The following ADGRG1 variants were observed in gnomAD, a reference collection of about 807,000 sequenced individuals.
ADGRG1 encodes 7-transmembrane protein with no EGF-like N-terminal domains-1.
Under a neutral mutation model 73.5 loss-of-function variants are expected in ADGRG1, and 53 were observed. That is an observed-to-expected ratio of 0.72 (90% CI 0.58 to 0.91). ADGRG1 has a LOEUF of 0.91. ADGRG1 is among the 40% of genes least tolerant of loss of function. The pLI, the probability that ADGRG1 is intolerant of heterozygous loss-of-function variation, is 0.00. For missense variants in ADGRG1, 795 were observed against 871.8 expected, an observed-to-expected ratio of 0.91 and a Z score of 1.11; for synonymous variants, 394 against 374.4, an observed-to-expected ratio of 1.05 and a Z score of -0.60.
upstream of ADGRG1, chr16:57,624,197 C>T: frequency 3.1e-6 from 3 of 982,238 alleles, no homozygotes; most frequent in Non-Finnish European, 3.6e-6. Flanking sequence ...CTGCTCTTGT[C>T]TAAAAAATAC....
intron 1 of ADGRG1, among the ~76,000 whole-genome samples, chr16:57,639,035 A>G (rs1490377737): frequency 6.6e-6 from 1 of 151,390 alleles, no homozygotes; most frequent in East Asian, 1.9e-4. Context: ...ACGCCACTGC[A>G]CTCCAGCCTG....
chr16:57,630,306 C>T (rs902760509), intron 1 of ADGRG1: 6 of 926,306 alleles, frequency 6.5e-6, no homozygotes, highest in Non-Finnish European at 6.4e-6. Context: ...AGGCAGGGGT[C>T]CTGTTGGGCT....
chr16:57,622,662 G>A (rs2035081985), intron 2 of ADGRG1: 1 of 536,962 alleles, frequency 1.9e-6, no homozygotes, highest in Non-Finnish European at 2.4e-6. Context: ...GAAGGCTGGG[G>A]GCAGGGGTAT....
chr16:57,653,047 G>C, intron 3 of ADGRG1, 156 bp from the exon 4 acceptor site: 1 of 1,520,472 alleles, frequency 6.6e-7, no homozygotes, highest in Non-Finnish European at 8.8e-7. Flanking sequence ...GAGTGGCCTT[G>C]GCAGAGTCCA....
chr16:57,652,603 G>C (rs2044374438), intron 3 of ADGRG1: 4 of 984,408 alleles, frequency 4.1e-6, no homozygotes, highest in Non-Finnish European at 4.8e-6. Context: ...AAAAAACATG[G>C]ACCAGGGATT....
chr16:57,641,103 C>T (rs541193149), intron 1 of ADGRG1: 13 of 955,838 alleles, frequency 1.4e-5, no homozygotes, highest in South Asian at 4.8e-5. Context: ...CTGAAGCCTG[C>T]GGGAGCCTGG....
intron 1 of ADGRG1, among the ~76,000 whole-genome samples, chr16:57,632,582 G>A (rs536678414): frequency 7.7e-4 from 118 of 152,280 alleles, no homozygotes; most frequent in African/African-American, 1.7e-3. Flanking sequence ...CCCTGCCCCC[G>A]CTACTGCTGG....
chr16:57,629,622 T>G (rs967105068), intron 1 of ADGRG1: 1 of 152,042 alleles, frequency 6.6e-6, no homozygotes, highest in Admixed American at 6.6e-5. Flanking sequence ...AAGGCCAGCT[T>G]TGGGAGAAGG....
At chr16:57,662,959 C>T (rs914947672) in intron 13 of ADGRG1, 226 of 985,152 alleles carry the variant, frequency 2.3e-4, no homozygotes, top group Non-Finnish European at 2.6e-4. Flanking sequence ...TACCACATTT[C>T]GGTTATTTAA....
At chr16:57,663,339 G>A in intron 13 of ADGRG1, 113 bp from the exon 14 acceptor site, 1 of 1,550,120 alleles carries the variant, frequency 6.5e-7, no homozygotes. Flanking sequence ...GCACGTGCTT[G>A]GCAAACACTA....
rs1186187571 is a variant in ADGRG1 at position 57,646,331 on chromosome 16, G to A, written c.-35-3922G>A. On this transcript the variant is annotated intron_variant, in intron 1 of 13. Transcript: ENST00000562631. ...CAGGGCTGAGCCAGGTCTGGAGCTG[G>A]AGCCCTGGGGGTGGGGCGGGGGATG... is the stretch of plus-strand genomic sequence containing the variant. 12 of 948,044 alleles carry A rather than the reference G, an allele frequency of 1.3e-5. No individual in the cohort carries two copies. The East Asian group carries it at 1.0e-3, about 82-fold the overall frequency. 58.7% of individuals were successfully genotyped at this position (948,044 alleles called of 1,614,324 possible).
intron 1 of ADGRG1, among the ~76,000 whole-genome samples, chr16:57,644,842 C>T: frequency 6.8e-6 from 1 of 146,942 alleles, no homozygotes; most frequent in South Asian, 2.2e-4. Context: ...TGATCACACT[C>T]ATGCAGGGCA....
At chr16:57,643,452 T>G in intron 1 of ADGRG1, 4 of 519,908 alleles carry the variant, frequency 7.7e-6, no homozygotes, top group Non-Finnish European at 9.9e-6. Flanking sequence ...CTTCTCCCCT[T>G]TGTCACTCTT....
intron 1 of ADGRG1, chr16:57,629,093 T>C (rs962274064): frequency 2.3e-5 from 18 of 768,900 alleles, no homozygotes; most frequent in African/African-American, 2.3e-4. Context: ...TGTATGTGAG[T>C]GTAAGTGTGG....
chr16:57,629,181 G>A (rs1280546143), intron 1 of ADGRG1: 1 of 984,988 alleles, frequency 1.0e-6, no homozygotes. Flanking sequence ...GGGGGTCTTG[G>A]TATCTTGGTG....
intron 1 of ADGRG1, chr16:57,642,791 G>C (rs62036128): frequency 0.062 from 13,281 of 212,834 alleles, 421 homozygotes; most frequent in Middle Eastern, 0.12. Context: ...ACCTGAGTTT[G>C]AGTCCCGGCT....
At position 57,633,787 on chromosome 16, in the gene ADGRG1, T is replaced by C. The variant is rs755021734; in HGVS notation, c.-36+4985T>C. Reference sequence around the variant, plus strand: ...GACCAAGCCTTGTTCTTAGAGAGCATTGGAGACTTTATCCGGAACAATGGT... The same window carrying C: ...GACCAAGCCTTGTTCTTAGAGAGCACTGGAGACTTTATCCGGAACAATGGT... On this transcript the variant is annotated intron_variant, in intron 1 of 13. Coordinates refer to ENST00000562631, the MANE Select transcript of ADGRG1 (RefSeq NM_201525.4). Among the ~76,000 whole-genome samples, 25 of 152,304 alleles carry C rather than the reference T, an allele frequency of 1.6e-4. 1 individual carries two copies. The highest frequency in any genetic ancestry group is 2.8e-4 in the Non-Finnish European group (19 of 68,024).
In ADGRG1 at chr16:57,640,505, T is replaced by G. The variant is rs540454244; in HGVS notation, c.-35-9748T>G. 2.0e-5 allele frequency among the ~76,000 whole-genome samples: 3 copies of G among 152,314 alleles called. No homozygotes were observed. In the South Asian group the frequency reaches 6.2e-4, roughly 32 times the overall value. ...AAAGCTCACAATCCTGTCTTGCATT[T>G]TCGAAGAGCTTAATGAACATAGTTG... On this transcript the variant is annotated intron_variant, in intron 1 of 13. Transcript: ENST00000562631.
intron 1 of ADGRG1, chr16:57,645,025 CAT>C: frequency 1.0e-6 from 1 of 959,172 alleles, no homozygotes; most frequent in African/African-American, 1.8e-5. Flanking sequence ...CGCACACACT[CAT>C]CACACACTCA....
Sources: allele counts gnomAD v4.1 joint callset (sites outside exome capture counted in the v4.1 genomes callset), GRCh38; gene constraint gnomAD v4.1.1; transcripts MANE v1.5; gene names NCBI Gene and HGNC (gene_info 2026-07-23, HGNC 2026-07-21).